Variants in OPCML observed in about 807,000 individuals in gnomAD.
The protein encoded by OPCML is opioid-binding protein/cell adhesion molecule.
A neutral mutation model predicts 37.8 loss-of-function variants in OPCML; 13 were observed. The observed-to-expected ratio is 0.34, with a 90% CI of 0.22 to 0.55. OPCML has a LOEUF of 0.55. OPCML is among the 20% of genes least tolerant of loss of function. OPCML has a pLI of 0.91. For missense variants in OPCML, 341 were observed against 435.6 expected, an observed-to-expected ratio of 0.78 and a Z score of 1.93; for synonymous variants, 176 against 168.8, an observed-to-expected ratio of 1.04 and a Z score of -0.33.
At chr11:133,499,788 ACACATATATATATGTGTGTG>A (rs1947866328) in intron 1 of OPCML, among the ~76,000 whole-genome samples, 1 of 142,152 alleles carries the variant, frequency 7.0e-6, no homozygotes, top group South Asian at 2.2e-4. Context: ...ATATATATAT[ACACATATATATATGTGTGTG>A]TATATATATA....
chr11:132,927,570 T>C (rs1359321656), intron 2 of OPCML, among the ~76,000 whole-genome samples: 1 of 152,008 alleles, frequency 6.6e-6, no homozygotes, highest in Non-Finnish European at 1.5e-5. Flanking sequence ...CTTCAAGAAA[T>C]ATGAAAGAGA....
In OPCML at chr11:132,446,103, C is replaced by CTTTTTTTTTTTT. The variant is rs58784534; in HGVS notation, c.506-8756_506-8745dup. On this transcript the variant is annotated intron_variant, in intron 4 of 7. Coordinates refer to ENST00000524381, the MANE Select transcript of OPCML (RefSeq NM_001012393.5). ...GTGTTTAGCTTGGCTCTGCTTGTGT[C>CTTTTTTTTTTTT]TTTTTTTTTTTTTTTTTTTTTTTTT... 6.0e-4 allele frequency among the ~76,000 whole-genome samples: 29 copies of CTTTTTTTTTTTT among 48,516 alleles called. 4 individuals carry two copies. Among genetic ancestry groups the CTTTTTTTTTTTT allele is most frequent in the African/African-American group, 1.5e-3 (17 of 11,146 alleles). The allele number at this position is 48,516 out of a possible 152,430, so 31.8% of individuals were successfully genotyped here.
chr11:133,330,913 T>C (rs1943604159), intron 1 of OPCML, among the ~76,000 whole-genome samples: 1 of 152,232 alleles, frequency 6.6e-6, no homozygotes, highest in African/African-American at 2.4e-5. Context: ...TCCTTTGTTG[T>C]ATGAGACAAC....
intron 1 of OPCML, among the ~76,000 whole-genome samples, chr11:133,157,673 A>G (rs1950081321): frequency 6.6e-6 from 1 of 152,182 alleles, no homozygotes; most frequent in South Asian, 2.1e-4. Flanking sequence ...AGCTCATTTC[A>G]GAACCAGTCA....
At chr11:133,018,229 C>A (rs1419963177) in intron 1 of OPCML, among the ~76,000 whole-genome samples, 9 of 152,064 alleles carry the variant, frequency 5.9e-5, no homozygotes, top group Admixed American at 5.2e-4. Context: ...TCATCTGGAG[C>A]AAAGAAATTG....
chr11:132,634,493 C>G (rs1940355543), intron 3 of OPCML, among the ~76,000 whole-genome samples: 1 of 152,114 alleles, frequency 6.6e-6, no homozygotes, highest in South Asian at 2.1e-4. Flanking sequence ...AATATTCTAT[C>G]CTGCCTGAGC....
chr11:132,452,992 G>T (rs186622407), intron 4 of OPCML, among the ~76,000 whole-genome samples: 1 of 152,234 alleles, frequency 6.6e-6, no homozygotes, highest in East Asian at 1.9e-4. Flanking sequence ...CCTGCACCAT[G>T]CCCACATCTT....
intron 2 of OPCML, among the ~76,000 whole-genome samples, chr11:132,700,115 C>T (rs1943749776): frequency 6.6e-6 from 1 of 151,866 alleles, no homozygotes; most frequent in South Asian, 2.1e-4. Flanking sequence ...TCATAGTAGT[C>T]TCTTATGATC....
At chr11:132,892,246 A>G (rs1943678691) in intron 2 of OPCML, among the ~76,000 whole-genome samples, 1 of 152,190 alleles carries the variant, frequency 6.6e-6, no homozygotes, top group Non-Finnish European at 1.5e-5. Flanking sequence ...CTTCTCCCCT[A>G]GAAAATTAGA....
chr11:132,714,453 C>T (rs1412348713), intron 2 of OPCML, among the ~76,000 whole-genome samples: 1 of 152,160 alleles, frequency 6.6e-6, no homozygotes, highest in Non-Finnish European at 1.5e-5. Context: ...GCTTCAAAAG[C>T]ACATCTTCTT....
intron 1 of OPCML, among the ~76,000 whole-genome samples, chr11:133,197,549 T>C (rs1938583598): frequency 6.6e-6 from 1 of 152,192 alleles, no homozygotes; most frequent in African/African-American, 2.4e-5. Context: ...TGGAAATGCC[T>C]AGATAATAAG....
At chr11:133,102,045 G>T (rs994135028) in intron 1 of OPCML, among the ~76,000 whole-genome samples, 1 of 152,182 alleles carries the variant, frequency 6.6e-6, no homozygotes, top group Non-Finnish European at 1.5e-5. Flanking sequence ...AAAATTAGTG[G>T]TTTCCAAGTG....
intron 1 of OPCML, among the ~76,000 whole-genome samples, chr11:133,339,868 A>G (rs1050625253): frequency 6.6e-5 from 10 of 152,192 alleles, no homozygotes; most frequent in South Asian, 2.1e-4. Context: ...CAAAAGCCCA[A>G]TTGAATTAGA....
intron 1 of OPCML, among the ~76,000 whole-genome samples, chr11:132,986,985 C>T (rs570181496): frequency 3.8e-4 from 58 of 152,274 alleles, no homozygotes; most frequent in African/African-American, 1.3e-3. Flanking sequence ...GCCAGTGAGA[C>T]GATGCGAATG....
intron 2 of OPCML, among the ~76,000 whole-genome samples, chr11:132,848,413 C>T (rs1365571328): frequency 6.6e-6 from 1 of 152,160 alleles, no homozygotes; most frequent in Non-Finnish European, 1.5e-5. Flanking sequence ...TCAAGTCAAC[C>T]TTAAGACATT....
chr11:132,798,124 G>A (rs370119062), intron 2 of OPCML, among the ~76,000 whole-genome samples: 14 of 151,936 alleles, frequency 9.2e-5, no homozygotes, highest in African/African-American at 2.9e-4. Flanking sequence ...TTATGATCTC[G>A]GTTCGGCATG....
intron 2 of OPCML, chr11:132,772,051 A>C (rs1946656895): frequency 6.6e-6 from 1 of 152,228 alleles, no homozygotes; most frequent in Admixed American, 6.5e-5. Flanking sequence ...ATTGTAGGGT[A>C]AATGCCATCT....
chr11:133,275,409 A>G (rs1341622514), intron 1 of OPCML, among the ~76,000 whole-genome samples: 2 of 152,136 alleles, frequency 1.3e-5, no homozygotes, highest in African/African-American at 4.8e-5. Context: ...AATTCCATAG[A>G]GAGAGAGGAT....
At chr11:133,265,133 G>A (rs184910788) in intron 1 of OPCML, among the ~76,000 whole-genome samples, 2 of 152,202 alleles carry the variant, frequency 1.3e-5, no homozygotes, top group Non-Finnish European at 2.9e-5. Context: ...AGCTGCCAGA[G>A]AGGAGTGGAG....
Sources: allele counts gnomAD v4.1 joint callset (sites outside exome capture counted in the v4.1 genomes callset), GRCh38; gene constraint gnomAD v4.1.1; transcripts MANE v1.5; gene names NCBI Gene and HGNC (gene_info 2026-07-23, HGNC 2026-07-21).